Variants in MACF1 observed in about 807,000 individuals in gnomAD.
MACF1 encodes the protein microtubule actin crosslinking factor 1.
MACF1 carries 193 observed loss-of-function variants against 854.8 expected under a neutral mutation model. The ratio of observed to expected loss-of-function variants is 0.23; its 90% CI spans 0.20 to 0.25. The LOEUF is 0.25. Among genes scored for constraint, MACF1 ranks in the 10% least tolerant of loss-of-function variants. The pLI, the probability that MACF1 is intolerant of heterozygous loss-of-function variation, is 1.00. For missense variants in MACF1, 7,722 were observed against 8,929.1 expected (o/e 0.86, Z 5.45); for synonymous variants, 3,185 against 3,226.7 (o/e 0.99, Z 0.44).
chr1:39,223,449 T>G (rs140648956), intron 1 of MACF1, among the ~76,000 whole-genome samples: 125 of 152,310 alleles, frequency 8.2e-4, no homozygotes, highest in African/African-American at 2.9e-3. Context: ...ACAGAGTTGT[T>G]GAGCATTAGA....
chr1:39,326,561 A>G (rs910403269), intron 35 of MACF1, among the ~76,000 whole-genome samples: 1 of 151,774 alleles, frequency 6.6e-6, no homozygotes, highest in Non-Finnish European at 1.5e-5. Flanking sequence ...GGCACGTGTA[A>G]TCCCAGCTAC....
chr1:39,470,371 G>A (rs1302479865), intron 97 of MACF1, among the ~76,000 whole-genome samples: 2 of 152,028 alleles, frequency 1.3e-5, no homozygotes, highest in Non-Finnish European at 2.9e-5. Flanking sequence ...AAAAATTGGG[G>A]CCAGGTACAG....
At position 39,283,574 on chromosome 1, in the gene MACF1, T is replaced by G; in HGVS notation, c.915+59T>G. ...TTTGATTCATTTGGGTGAAATGCAT[T>G]GGTTAGACACTTTCTTAAGCACTTA... On this transcript the variant is annotated intron_variant, in intron 9 of 100. Transcript: ENST00000564288. The surrounding 1 kb of genome is among the most constrained non-coding windows in gnomAD (Gnocchi z 4.5). 8.2e-7 allele frequency: 1 copy of G among 1,214,258 alleles called. No homozygotes were observed. Among genetic ancestry groups the G allele is most frequent in the South Asian group, 1.2e-5 (1 of 81,550 alleles). 75.2% of individuals were successfully genotyped at this position (1,214,258 alleles called of 1,614,324 possible).
At chr1:39,373,782 G>A (rs1338138224) in intron 52 of MACF1, among the ~76,000 whole-genome samples, 2 of 151,452 alleles carry the variant, frequency 1.3e-5, no homozygotes, top group Non-Finnish European at 2.9e-5. Context: ...GAACCCGGGA[G>A]GCAGAGGTTG....
At chr1:39,413,058 G>A (rs555128110) in intron 58 of MACF1, 8 of 1,595,886 alleles carry the variant, frequency 5.0e-6, no homozygotes, top group African/African-American at 4.0e-5. Context: ...CCCCAGAGGA[G>A]ACTGCTCCAG....
rs755591226 is a variant in MACF1 at position 39,233,808 on chromosome 1, T to TTTTTTTTTTGTTTA, written c.171+2565_171+2566insTTTTTTTTTGTTTA. Among the ~76,000 whole-genome samples, 2 of 65,772 alleles carry TTTTTTTTTTGTTTA rather than the reference T, an allele frequency of 3.0e-5. 1 individual carries two copies. The highest frequency in any genetic ancestry group is 6.6e-5 in the Non-Finnish European group (2 of 30,152). The allele number at this position is 65,772 out of a possible 152,430, so 43.1% of individuals were successfully genotyped here. A position where few individuals can be genotyped will look rare whatever the true frequency, so the allele number is the denominator to read the frequency against. ...TTTTTTTTTTTTTTTATTTATTTTT[T>TTTTTTTTTTGTTTA]ATTGATAATTCTTGGGTGTTTCTCA... On this transcript the variant is annotated intron_variant, in intron 2 of 100. Coordinates refer to ENST00000564288, the MANE Select transcript of MACF1 (RefSeq NM_001394062.1).
At chr1:39,484,467 T>G in intron 99 of MACF1, 134 bp from the exon 100 acceptor site, 1 of 743,342 alleles carries the variant, frequency 1.3e-6, no homozygotes, top group East Asian at 2.7e-5. Context: ...TTAAGAGAAA[T>G]CTTTGTTTTC....
Position 39,370,112 on chromosome 1 carries a change from A to G in MACF1, c.13021A>G (p.Thr4341Ala). ...VRTFQKWLKE[T>A]EGSIPPTETS... The stretch of plus-strand genomic sequence containing the variant: ...GACCTTCCAGAAATGGTTGAAAGAA[A>G]CTGAAGGGAGTATTCCACCTACGGA... The change falls in exon 51 of 101, where the codon ACT (threonine) becomes GCT (alanine). Residue 4341 changes from threonine (T) to alanine (A), a missense_variant. This residue lies in a region of MACF1 where 2,807 missense variants were observed against 3,235.8 expected (regional missense o/e 0.87). Transcript: ENST00000564288. 6.2e-7 allele frequency: 1 copy of G among 1,614,174 alleles called. No homozygotes were observed. Among genetic ancestry groups the G allele is most frequent in the Non-Finnish European group, 8.5e-7 (1 of 1,179,996 alleles).
intron 2 of MACF1, among the ~76,000 whole-genome samples, chr1:39,249,251 A>G (rs1210900658): frequency 2.6e-5 from 4 of 152,228 alleles, no homozygotes; most frequent in African/African-American, 9.6e-5. Context: ...TATAAAGCAT[A>G]GTAGTTAATG....
intron 6 of MACF1, among the ~76,000 whole-genome samples, chr1:39,263,702 TTGTA>T (rs1410952383): frequency 6.6e-6 from 1 of 152,118 alleles, no homozygotes; most frequent in African/African-American, 2.4e-5. Context: ...GTACTGTTGC[TTGTA>T]TGTCTTTATA....
At chr1:39,107,388 G>C (rs2148138849) in intron 2 of MACF1, among the ~76,000 whole-genome samples, 1 of 152,130 alleles carries the variant, frequency 6.6e-6, no homozygotes, top group Non-Finnish European at 1.5e-5. Flanking sequence ...TTGATCAGGT[G>C]TATAGGAACT....
chr1:39,472,340 C>T (rs1289727526), intron 97 of MACF1, among the ~76,000 whole-genome samples: 1 of 152,072 alleles, frequency 6.6e-6, no homozygotes, highest in Non-Finnish European at 1.5e-5. Context: ...CCTTCTAGTT[C>T]GAGAAAAATG....
At chr1:39,139,885 G>C (rs538885474) in intron 2 of MACF1, among the ~76,000 whole-genome samples, 1 of 152,120 alleles carries the variant, frequency 6.6e-6, no homozygotes, top group East Asian at 1.9e-4. Flanking sequence ...TACAGCTGAG[G>C]AAATTAAGGC....
At chr1:39,247,675 CTTGTT>C (rs1230889855) in intron 2 of MACF1, among the ~76,000 whole-genome samples, 1 of 152,148 alleles carries the variant, frequency 6.6e-6, no homozygotes, top group Non-Finnish European at 1.5e-5. Context: ...AGTTAGATGT[CTTGTT>C]TTGTTTATTG....
chr1:39,364,675 G>A (rs1285728462), intron 49 of MACF1, among the ~76,000 whole-genome samples: 1 of 151,972 alleles, frequency 6.6e-6, no homozygotes, highest in Non-Finnish European at 1.5e-5. Context: ...TGTATTTTTA[G>A]TAGAGACGGG....
intron 2 of MACF1, among the ~76,000 whole-genome samples, chr1:39,235,630 A>T (rs1348659048): frequency 6.6e-6 from 1 of 152,182 alleles, no homozygotes; most frequent in East Asian, 1.9e-4. Context: ...GCTTTTGTTC[A>T]GGGCCTCTGT....
At position 39,335,034 on chromosome 1, in the gene MACF1, C is replaced by T; in HGVS notation, c.8446C>T (p.Gln2816Ter). The change falls in exon 37 of 101, where the codon CAA becomes TAA. Residue 2816 changes from glutamine (Q) to a stop codon, truncating the protein, a stop_gained. Transcript: ENST00000564288. LOFTEE classifies it high-confidence loss of function. ...NKVEESERLF[Q>*]VENQSAQEKV... ...AGTAGAAGAGAGTGAGAGATTATTT[C>T]AAGTTGAAAATCAGTCTGCACAAGA... 1 of 1,613,936 alleles carries T rather than the reference C, an allele frequency of 6.2e-7. No individual in the cohort carries two copies.
intron 2 of MACF1, among the ~76,000 whole-genome samples, chr1:39,190,405 T>TTTG (rs1644239837): frequency 8.1e-6 from 1 of 123,680 alleles, no homozygotes; most frequent in Non-Finnish European, 1.9e-5. Context: ...GTTTTTGTTT[T>TTTG]TTTTTTTTTT....
rs1381053468 is a variant in MACF1 at position 39,382,164 on chromosome 1, A to T, written c.13848+12A>T. 1 of 1,610,314 alleles carries T rather than the reference A, an allele frequency of 6.2e-7. No individual in the cohort carries two copies. The highest frequency in any genetic ancestry group is 1.7e-5 in the Admixed American group (1 of 59,874). On this transcript the variant is annotated intron_variant, in intron 56 of 100. Coordinates refer to ENST00000564288, the MANE Select transcript of MACF1 (RefSeq NM_001394062.1). ...AGCAACAGGTCCAGGTGAGCAATAT[A>T]GCAACAAAGAAATTGGAATCACATG...
Sources: allele counts gnomAD v4.1 joint callset (sites outside exome capture counted in the v4.1 genomes callset), GRCh38; gene constraint gnomAD v4.1.1; regional missense constraint gnomAD v4.1.1; non-coding constraint Gnocchi (gnomAD v3.1); transcripts MANE v1.5; gene names NCBI Gene and HGNC (gene_info 2026-07-23, HGNC 2026-07-21).